MARCHF1: variants seen among roughly 807,000 people sequenced by gnomAD.
MARCHF1 encodes membrane associated ring-CH-type finger 1.
MARCHF1 carries 40 observed loss-of-function variants against 54.2 expected under a neutral mutation model. The ratio of observed to expected loss-of-function variants is 0.74; its 90% CI spans 0.57 to 0.96. The LOEUF is 0.96. MARCHF1 is among the 40% of genes least tolerant of loss of function. MARCHF1 has a pLI of 0.00. For synonymous variants in MARCHF1, 236 were observed against 236.3 expected (o/e 1.00, Z 0.01); for missense variants, 586 against 656.5 (o/e 0.89, Z 1.17).
At chr4:163,954,650 A>T (rs1477310392) in intron 3 of MARCHF1, among the ~76,000 whole-genome samples, 1 of 152,198 alleles carries the variant, frequency 6.6e-6, no homozygotes, top group Non-Finnish European at 1.5e-5. Flanking sequence ...TAAAATTTTA[A>T]AAATCTAATA....
At chr4:163,969,798 A>T (rs73872014) in intron 3 of MARCHF1, among the ~76,000 whole-genome samples, 6,407 of 152,306 alleles carry the variant, frequency 0.042, 320 homozygotes, top group African/African-American at 0.12. Context: ...TGGTATAAGA[A>T]ATGATGCTAC....
At position 164,176,960 on chromosome 4, in the gene MARCHF1, CT is replaced by C. The variant is rs1560940392; in HGVS notation, c.-322-65299del. Among the ~76,000 whole-genome samples the C allele has an allele frequency of 7.6e-3, 361 of 47,430 alleles. 7 individuals are homozygous for C. Among genetic ancestry groups the C allele is most frequent in the Non-Finnish European group, 0.011 (283 of 25,924 alleles). 31.1% of individuals were successfully genotyped at this position (47,430 alleles called of 152,430 possible). ...TTGTGCGCTCTCTCTCTCTCTCTCTCTCTCTCTCTCTCTCTCTCTCTATATA... is the reference window on the plus strand; with the variant it reads ...TTGTGCGCTCTCTCTCTCTCTCTCTCCTCTCTCTCTCTCTCTCTCTATATA... On this transcript the variant is annotated intron_variant, in intron 1 of 9. Transcript: ENST00000514618.
chr4:163,529,316 T>TATCA (rs1409179976), intron 9 of MARCHF1, among the ~76,000 whole-genome samples: 1 of 152,090 alleles, frequency 6.6e-6, no homozygotes, highest in African/African-American at 2.4e-5. Context: ...ATCAAGTACC[T>TATCA]ATCATAATTA....
At chr4:163,658,673 A>G (rs979852459) in intron 5 of MARCHF1, among the ~76,000 whole-genome samples, 2 of 152,076 alleles carry the variant, frequency 1.3e-5, no homozygotes, top group Non-Finnish European at 2.9e-5. Flanking sequence ...CATTACCCTC[A>G]GCAAACTCAT....
chr4:163,866,466 T>TTATATATATATTTATATATATATATATA (rs1553959586), intron 3 of MARCHF1, among the ~76,000 whole-genome samples: 1 of 124,402 alleles, frequency 8.0e-6, no homozygotes. Flanking sequence ...AAAGCTGTAG[T>TTATATATATATTTATATATATATATATA]TATATATATA....
intron 2 of MARCHF1, among the ~76,000 whole-genome samples, chr4:164,035,845 G>T (rs12650393): frequency 0.39 from 58,953 of 149,474 alleles, 13,424 homozygotes; most frequent in African/African-American, 0.62. Flanking sequence ...CTTTGGGAGG[G>T]GGAGGCGGGT....
At chr4:163,621,741 G>C (rs1318524426) in intron 5 of MARCHF1, among the ~76,000 whole-genome samples, 3 of 152,126 alleles carry the variant, frequency 2.0e-5, no homozygotes, top group African/African-American at 2.4e-5. Context: ...AGCAGGACAG[G>C]AGGAGAAAAA....
chr4:164,148,752 A>G (rs892623741), intron 1 of MARCHF1, among the ~76,000 whole-genome samples: 3 of 152,162 alleles, frequency 2.0e-5, no homozygotes, highest in Non-Finnish European at 2.9e-5. Context: ...CTTTTTTAAA[A>G]GATTAATTCC....
chr4:163,533,806 G>A (rs1738441320), intron 9 of MARCHF1, among the ~76,000 whole-genome samples: 1 of 151,332 alleles, frequency 6.6e-6, no homozygotes, highest in Non-Finnish European at 1.5e-5. Context: ...GAGCATTTAG[G>A]TATTTGGAAA....
At chr4:164,085,971 G>A (rs1755185733) in intron 2 of MARCHF1, among the ~76,000 whole-genome samples, 2 of 151,412 alleles carry the variant, frequency 1.3e-5, no homozygotes, top group Non-Finnish European at 3.0e-5. Context: ...CAGAAATGGG[G>A]GGGTTATAAG....
At chr4:164,353,891 G>C (rs1578890892) in intron 1 of MARCHF1, among the ~76,000 whole-genome samples, 1 of 132,304 alleles carries the variant, frequency 7.6e-6, no homozygotes, top group Non-Finnish European at 1.6e-5. Flanking sequence ...AAAAAAGAGA[G>C]AAGAATCAAA....
intron 1 of MARCHF1, among the ~76,000 whole-genome samples, chr4:164,253,872 C>T (rs1389536510): frequency 1.3e-5 from 2 of 152,056 alleles, no homozygotes; most frequent in Admixed American, 6.6e-5. Context: ...ACAGAACACA[C>T]ACAATTTAGA....
intron 1 of MARCHF1, among the ~76,000 whole-genome samples, chr4:164,240,459 C>T (rs150506897): frequency 6.6e-6 from 1 of 152,274 alleles, no homozygotes; most frequent in Non-Finnish European, 1.5e-5. Context: ...ATGTCTGCAT[C>T]ATTGGACCTC....
rs113687124 is a variant in MARCHF1, at chr4:163,618,423, C to T, written c.163-5030G>A. ...CTAGCCTCTTCACTCTTCAGAGGGGCGGTTCTGGGAAGTTCTGAGGTAACT... is the reference window on the plus strand; with the variant it reads ...CTAGCCTCTTCACTCTTCAGAGGGGTGGTTCTGGGAAGTTCTGAGGTAACT... On this transcript the variant is annotated intron_variant, in intron 5 of 9. Coordinates refer to ENST00000514618, the MANE Select transcript of MARCHF1 (RefSeq NM_001394959.1). Among the ~76,000 whole-genome samples the T allele has an allele frequency of 4.2e-4, 64 of 152,230 alleles. 1 individual carries two copies. Among genetic ancestry groups the T allele is most frequent in the African/African-American group, 1.5e-3 (61 of 41,558 alleles).
intron 5 of MARCHF1, among the ~76,000 whole-genome samples, chr4:163,696,343 G>A (rs1002281635): frequency 1.3e-5 from 2 of 152,150 alleles, no homozygotes; most frequent in African/African-American, 4.8e-5. Flanking sequence ...GCAAGATCAT[G>A]TTTATAAGAC....
intron 8 of MARCHF1, among the ~76,000 whole-genome samples, chr4:163,550,611 T>C (rs2110938332): frequency 6.6e-6 from 1 of 152,276 alleles, no homozygotes; most frequent in South Asian, 2.1e-4. Flanking sequence ...ACATTTTAAT[T>C]GTTTACTGGC....
intron 1 of MARCHF1, among the ~76,000 whole-genome samples, chr4:164,176,964 C>CA (rs1367492961): frequency 6.3e-5 from 3 of 47,714 alleles, no homozygotes; most frequent in Non-Finnish European, 1.1e-4. Context: ...CTCTCTCTCT[C>CA]TCTCTCTCTC....
chr4:164,202,593 G>A (rs1018192451), intron 1 of MARCHF1, among the ~76,000 whole-genome samples: 3 of 152,064 alleles, frequency 2.0e-5, no homozygotes, highest in African/African-American at 7.2e-5. Context: ...CAAAGCTTAG[G>A]CTGTTTCAGA....
At chr4:163,868,011 G>A (rs2111208721) in intron 3 of MARCHF1, among the ~76,000 whole-genome samples, 1 of 151,780 alleles carries the variant, frequency 6.6e-6, no homozygotes, top group East Asian at 1.9e-4. Context: ...TCTGAACTTG[G>A]TAGTTTGTTT....
Sources: gnomAD v4.1 joint callset for allele counts (sites outside exome capture counted in the v4.1 genomes callset) on GRCh38, gnomAD v4.1.1 for gene constraint, MANE v1.5 for transcripts, NCBI Gene and HGNC (gene_info 2026-07-23, HGNC 2026-07-21) for gene names.